Variants in CUX1 observed in about 807,000 individuals in gnomAD.
The protein encoded by CUX1 is protein CASP.
A neutral mutation model predicts 158.8 loss-of-function variants in CUX1; 31 were observed. The ratio of observed to expected loss-of-function variants is 0.20; its 90% confidence interval spans 0.15 to 0.26. The LOEUF is 0.26. Ranked by LOEUF, CUX1 falls within the 10% of genes least tolerant of loss-of-function variation. The pLI, the probability that CUX1 is intolerant of heterozygous loss-of-function variation, is 1.00. For synonymous variants in CUX1, 879 were observed against 862.1 expected (o/e 1.02, Z -0.34); for missense variants, 1,589 against 2,014.6 (o/e 0.79, Z 4.04).
chr7:101,865,276 A>C (rs1478088975), intron 1 of CUX1, among the ~76,000 whole-genome samples: 1 of 152,206 alleles, frequency 6.6e-6, no homozygotes, highest in Non-Finnish European at 1.5e-5. Context: ...AGTTGCTGTT[A>C]TTATAGACTG....
intron 2 of CUX1, among the ~76,000 whole-genome samples, chr7:101,955,467 C>T (rs1459884519): frequency 6.6e-6 from 1 of 152,192 alleles, no homozygotes; most frequent in Admixed American, 6.5e-5. Flanking sequence ...AGCCATTCAG[C>T]CAGAGAGTAA....
chr7:102,187,871 A>G (rs1356001954), intron 11 of CUX1, among the ~76,000 whole-genome samples: 3 of 152,092 alleles, frequency 2.0e-5, no homozygotes, highest in Non-Finnish European at 4.4e-5. Context: ...CCCAAAGTCT[A>G]GAATGTTCTC....
chr7:102,235,218 G>A lies in CUX1; in HGVS notation c.3622+978G>A, dbSNP rs114892840. Reference sequence around the variant, plus strand: ...GCCTCTTGGTTTGCAGTTTCTAAGCGCTGGTCCTCGCCAGTGAGTCCGCCC... The same window carrying A: ...GCCTCTTGGTTTGCAGTTTCTAAGCACTGGTCCTCGCCAGTGAGTCCGCCC... On this transcript the variant is annotated intron_variant, in intron 22 of 23. Coordinates refer to ENST00000292535, the MANE Select transcript of CUX1 (RefSeq NM_181552.4). Among the ~76,000 whole-genome samples, 1,009 of 152,274 alleles carry A rather than the reference G, an allele frequency of 6.6e-3. 7 individuals are homozygous for A. Among genetic ancestry groups the A allele is most frequent in the African/African-American group, 0.023 (963 of 41,532 alleles).
At chr7:101,967,195 AG>A (rs1376156836) in intron 2 of CUX1, among the ~76,000 whole-genome samples, 1 of 151,818 alleles carries the variant, frequency 6.6e-6, no homozygotes, top group Non-Finnish European at 1.5e-5. Context: ...TTGTATTTTT[AG>A]TAGAGATGGG....
chr7:102,232,441 A>G (rs1042739073), intron 21 of CUX1, among the ~76,000 whole-genome samples: 2 of 152,170 alleles, frequency 1.3e-5, no homozygotes, highest in East Asian at 3.8e-4. Flanking sequence ...TATTTCACAT[A>G]GAGGATGTAA....
chr7:101,938,407 G>A (rs373549332), intron 2 of CUX1, among the ~76,000 whole-genome samples: 26 of 152,242 alleles, frequency 1.7e-4, no homozygotes, highest in Admixed American at 6.5e-4. Context: ...GTGCCTGGCC[G>A]ATATCCACCA....
chr7:102,111,955 A>G (rs1024868738), intron 7 of CUX1, 181 bp downstream of exon 7: 9 of 579,990 alleles, frequency 1.6e-5, no homozygotes, highest in Non-Finnish European at 2.8e-5. Flanking sequence ...CTCATTCCTC[A>G]CTGACTTTGA....
chr7:101,956,074 C>T (rs192182253), intron 2 of CUX1, among the ~76,000 whole-genome samples: 2,696 of 123,426 alleles, frequency 0.022, 37 homozygotes, highest in Non-Finnish European at 0.031. Context: ...CCCAGCTACT[C>T]GGGAGGCTGA....
At chr7:101,918,796 C>A (rs971863254) in intron 2 of CUX1, among the ~76,000 whole-genome samples, 2 of 152,126 alleles carry the variant, frequency 1.3e-5, no homozygotes, top group Non-Finnish European at 2.9e-5. Flanking sequence ...CAGAGTCTTG[C>A]CCTCAGGTTG....
intron 9 of CUX1, among the ~76,000 whole-genome samples, chr7:102,166,398 C>T (rs1248404145): frequency 6.6e-6 from 1 of 152,192 alleles, no homozygotes; most frequent in Non-Finnish European, 1.5e-5. Context: ...CTCCCAGTGG[C>T]CCTGTCTCTG....
intron 9 of CUX1, among the ~76,000 whole-genome samples, chr7:102,166,580 C>T (rs937717571): frequency 4.6e-5 from 7 of 152,174 alleles, no homozygotes; most frequent in African/African-American, 9.7e-5. Context: ...CACGCCGACC[C>T]GGGACAGGGC....
rs140065107 is a variant in CUX1 at position 101,867,110 on chromosome 7, G to A, written c.31-49005G>A. Among the ~76,000 whole-genome samples the A allele has an allele frequency of 5.3e-3, 801 of 152,274 alleles. 10 individuals are homozygous for A. Among genetic ancestry groups the A allele is most frequent in the African/African-American group, 0.018 (747 of 41,544 alleles). On this transcript the variant is annotated intron_variant, in intron 1 of 23. Transcript: ENST00000292535. ...GTGGTGCCTGTAATCCCACCTACCC[G>A]GGAGGCTGAGGCAGGAGAATGGCTT...
intron 2 of CUX1, among the ~76,000 whole-genome samples, chr7:101,929,398 C>A (rs1445378885): frequency 6.6e-6 from 1 of 152,080 alleles, no homozygotes; most frequent in African/African-American, 2.4e-5. Context: ...TGAAGCTATT[C>A]TTTGAGAGTA....
At chr7:102,227,777 T>C in intron 21 of CUX1, 108 bp downstream of exon 21, 2 of 1,116,286 alleles carry the variant, frequency 1.8e-6, no homozygotes, top group Non-Finnish European at 2.6e-6. Flanking sequence ...TCAACTTGTG[T>C]AGGCACCCTT....
At chr7:101,988,993 CAA>C (rs1010587831) in intron 2 of CUX1, among the ~76,000 whole-genome samples, 1 of 150,376 alleles carries the variant, frequency 6.6e-6, no homozygotes. Context: ...GATCCTGTCT[CAA>C]AAAAAAAATA....
At chr7:102,131,680 T>A (rs972377270) in intron 8 of CUX1, among the ~76,000 whole-genome samples, 4 of 145,334 alleles carry the variant, frequency 2.8e-5, no homozygotes, top group Non-Finnish European at 3.0e-5. Flanking sequence ...ATTTATTTAT[T>A]TTTTTTTTTT....
At chr7:102,125,243 C>T (rs1467709363) in intron 8 of CUX1, among the ~76,000 whole-genome samples, 1 of 152,170 alleles carries the variant, frequency 6.6e-6, no homozygotes, top group Non-Finnish European at 1.5e-5. Flanking sequence ...GCCTCTGTAG[C>T]GTTCAGCCTG....
intron 8 of CUX1, among the ~76,000 whole-genome samples, chr7:102,117,196 G>C (rs1024696500): frequency 6.6e-6 from 1 of 151,936 alleles, no homozygotes; most frequent in Non-Finnish European, 1.5e-5. Context: ...TCAGGTGTTC[G>C]AGACCAGCCT....
In CUX1 at chr7:102,249,754, C is replaced by T. The variant is rs1029508653; in HGVS notation, c.*712C>T. The T allele has an allele frequency of 1.0e-6, 1 of 973,340 alleles. No individual in the cohort carries two copies. The highest frequency in any genetic ancestry group is 1.2e-6 in the Non-Finnish European group (1 of 819,078). The allele number at this position is 973,340 out of a possible 1,614,324, so 60.3% of individuals were successfully genotyped here. On this transcript the variant is annotated 3_prime_UTR_variant, in exon 24 of 24. Coordinates refer to ENST00000292535, the MANE Select transcript of CUX1 (RefSeq NM_181552.4). ...GTTCAGTTGCCACTAAGAGATTGCA[C>T]AGTCAAAACGACTCTAAACACACTA...
Sources: allele counts gnomAD v4.1 joint callset (sites outside exome capture counted in the v4.1 genomes callset), GRCh38; gene constraint gnomAD v4.1.1; transcripts MANE v1.5; gene names NCBI Gene and HGNC (gene_info 2026-07-23, HGNC 2026-07-21).